DUSP22: variants seen among roughly 807,000 people sequenced by gnomAD.
DUSP22 encodes the protein dual specificity phosphatase 22, also known as dual specificity protein phosphatase 22.
A neutral mutation model predicts 24.5 loss-of-function variants in DUSP22; 24 were observed. That is an observed-to-expected ratio of 0.98 (90% CI 0.71 to 1.38). The LOEUF (loss-of-function observed/expected upper bound fraction) is 1.38, where lower values mean the gene tolerates loss of function less well. DUSP22 is among the 40% of genes most tolerant of loss of function. The pLI is 0.00. For synonymous variants in DUSP22, 160 were observed against 106.4 expected, an observed-to-expected ratio of 1.50 and a Z score of -3.10; for missense variants, 330 against 269.2, an observed-to-expected ratio of 1.23 and a Z score of -1.58.
chr6:298,298 C>T (rs1234899763), intron 1 of DUSP22, among the ~76,000 whole-genome samples: 2 of 152,416 alleles, frequency 1.3e-5, no homozygotes, highest in South Asian at 2.1e-4. Context: ...TTTAACCCTT[C>T]AAGGAATCCA....
At chr6:343,564 CTAGT>C (rs1355977989) in intron 4 of DUSP22, among the ~76,000 whole-genome samples, 16 of 143,002 alleles carry the variant, frequency 1.1e-4, no homozygotes, top group African/African-American at 4.2e-4. Context: ...AGCAGATGTG[CTAGT>C]TAGAGATGTC....
intron 4 of DUSP22, among the ~76,000 whole-genome samples, chr6:339,468 CTT>C (rs1425083629): frequency 1.3e-5 from 2 of 152,304 alleles, no homozygotes; most frequent in Non-Finnish European, 2.9e-5. Context: ...TGCATATTAA[CTT>C]ATATTTACTC....
At chr6:340,273 A>G (rs111985536) in intron 4 of DUSP22, among the ~76,000 whole-genome samples, 2,415 of 151,594 alleles carry the variant, frequency 0.016, no homozygotes, top group African/African-American at 0.056. Flanking sequence ...TTTTGTGTGT[A>G]ATGCTGTGTG....
intron 3 of DUSP22, among the ~76,000 whole-genome samples, chr6:318,760 C>G (rs1178111282): frequency 2.6e-5 from 4 of 152,298 alleles, no homozygotes; most frequent in Non-Finnish European, 5.9e-5. Flanking sequence ...TGCAGCCATT[C>G]ATGGCAGCGC....
At chr6:344,101 C>T (rs1419914356) in intron 4 of DUSP22, among the ~76,000 whole-genome samples, 1 of 152,306 alleles carries the variant, frequency 6.6e-6, no homozygotes, top group African/African-American at 2.4e-5. Context: ...TGGGAGCGCA[C>T]CACAGTGGGG....
intron 2 of DUSP22, among the ~76,000 whole-genome samples, chr6:307,035 G>A (rs930581549): frequency 3.0e-4 from 45 of 152,304 alleles, no homozygotes; most frequent in Non-Finnish European, 5.3e-4. Flanking sequence ...TGCCAGGTCT[G>A]CAGTAGGCAG....
intron 2 of DUSP22, among the ~76,000 whole-genome samples, chr6:305,477 C>T (rs561473126): frequency 2.0e-4 from 30 of 152,404 alleles, no homozygotes; most frequent in Admixed American, 3.9e-4. Flanking sequence ...TTTTAAGTCA[C>T]CTGGGAAACA....
At chr6:297,458 T>C (rs1191401351) in intron 1 of DUSP22, among the ~76,000 whole-genome samples, 1 of 152,312 alleles carries the variant, frequency 6.6e-6, no homozygotes, top group Non-Finnish European at 1.5e-5. Context: ...TCAAAGAGAA[T>C]ATGTTCCCTC....
At chr6:309,181 A>G (rs183144222) in intron 2 of DUSP22, among the ~76,000 whole-genome samples, 152 of 152,364 alleles carry the variant, frequency 1.0e-3, no homozygotes, top group Non-Finnish European at 1.9e-3. Context: ...CCCATGTGCT[A>G]TGTAGATGGC....
In DUSP22 at chr6:300,566, C is replaced by T. The variant is rs566917695; in HGVS notation, c.22-4062C>T. On this transcript the variant is annotated intron_variant, in intron 1 of 6. Coordinates refer to ENST00000419235, the MANE Select transcript of DUSP22 (RefSeq NM_001286555.3). ...GAGCACATGAGTGGGAGAGCTGCTG[C>T]GTGGAAGTAAATGGCAAATGAGCAG... Among the ~76,000 whole-genome samples, 28 of 152,416 alleles carry T rather than the reference C, an allele frequency of 1.8e-4. No individual in the cohort carries two copies. The South Asian group carries it at 3.9e-3, about 21-fold the overall frequency.
Position 350,360 on chromosome 6 carries a change from C to T in DUSP22, c.*1409C>T, listed in dbSNP as rs558328533. ...AATTCAGTGGTCTAGTCCTTTATAC[C>T]GACTCAGATTCCTTAAGCATGCAGA... On this transcript the variant is annotated 3_prime_UTR_variant, in exon 7 of 7. Coordinates refer to ENST00000419235, the MANE Select transcript of DUSP22 (RefSeq NM_001286555.3). 50 of 1,058,862 alleles carry T rather than the reference C, an allele frequency of 4.7e-5. No individual in the cohort carries two copies. The African/African-American group carries it at 6.6e-4, about 14-fold the overall frequency. The allele number at this position is 1,058,862 out of a possible 1,614,324, so 65.6% of individuals were successfully genotyped here.
intron 2 of DUSP22, among the ~76,000 whole-genome samples, chr6:308,368 A>G (rs1276123632): frequency 6.6e-6 from 1 of 152,306 alleles, no homozygotes; most frequent in Non-Finnish European, 1.5e-5. Flanking sequence ...AGGACAACCA[A>G]TAGTGTGAAG....
At chr6:301,645 G>T (rs1016726426) in intron 1 of DUSP22, among the ~76,000 whole-genome samples, 2 of 152,296 alleles carry the variant, frequency 1.3e-5, no homozygotes, top group South Asian at 2.1e-4. Context: ...GAGGGAGACT[G>T]TGAGAGGCCT....
intron 1 of DUSP22, among the ~76,000 whole-genome samples, chr6:303,129 G>C (rs1395002551): frequency 6.6e-6 from 1 of 152,294 alleles, no homozygotes; most frequent in Non-Finnish European, 1.5e-5. Context: ...TCCTAAAAAA[G>C]GCAGGAGAGA....
intron 6 of DUSP22, 63 bp downstream of exon 6, chr6:348,337 T>G (rs1053393690): frequency 6.2e-7 from 1 of 1,601,736 alleles, no homozygotes; most frequent in Non-Finnish European, 8.5e-7. Context: ...GCCCACAGTC[T>G]TTCCGTACAC....
At chr6:313,320 C>A (rs1035713030) in intron 3 of DUSP22, among the ~76,000 whole-genome samples, 1 of 152,304 alleles carries the variant, frequency 6.6e-6, no homozygotes, top group Admixed American at 6.5e-5. Context: ...GTGCACATGA[C>A]CCTTAAATCT....
chr6:336,155 G>C (rs1273137031), intron 4 of DUSP22, among the ~76,000 whole-genome samples: 1 of 152,300 alleles, frequency 6.6e-6, no homozygotes, highest in Non-Finnish European at 1.5e-5. Flanking sequence ...CAGGCTGAAA[G>C]GCTGGGGCTG....
chr6:320,815 A>G (rs1449426819), intron 3 of DUSP22, among the ~76,000 whole-genome samples: 1 of 152,290 alleles, frequency 6.6e-6, no homozygotes, highest in Non-Finnish European at 1.5e-5. Context: ...GGTGGTCAGT[A>G]CGGGTGAGGG....
chr6:341,509 C>T (rs1023019237), intron 4 of DUSP22, among the ~76,000 whole-genome samples: 11 of 152,424 alleles, frequency 7.2e-5, no homozygotes, highest in South Asian at 2.1e-4. Context: ...AGTGGCAGTG[C>T]GCTCGCCTGC....
Sources: gnomAD v4.1 joint callset for allele counts (sites outside exome capture counted in the v4.1 genomes callset) on GRCh38, gnomAD v4.1.1 for gene constraint, MANE v1.5 for transcripts, NCBI Gene and HGNC (gene_info 2026-07-23, HGNC 2026-07-21) for gene names.